Variants in CLIC2 observed in about 807,000 individuals in gnomAD.
CLIC2 encodes chloride intracellular channel protein 2.
Under a neutral mutation model 14.8 loss-of-function variants are expected in CLIC2, and 9 were observed. The observed-to-expected ratio is 0.61, with a 90% CI of 0.37 to 1.06. The LOEUF is 1.06. Among genes scored for constraint, CLIC2 ranks in the 50% least tolerant of loss-of-function variants. The pLI is 0.01. For missense variants in CLIC2, 148 were observed against 181.4 expected (o/e 0.82, Z 1.06); for synonymous variants, 61 against 66.3 (o/e 0.92, Z 0.39).
chrX:155,279,253 G>C lies in CLIC2; in HGVS notation c.478C>G (p.Pro160Ala), dbSNP rs41304992. 2.8e-3 allele frequency: 3,335 copies of C among 1,206,993 alleles called. 8 individuals carry two copies. The highest frequency in any genetic ancestry group is 2.9e-3 in the Non-Finnish European group (2,550 of 892,398). The change falls in exon 5 of 6, where the codon CCA (proline) becomes GCA (alanine). Residue 160 changes from proline (P) to alanine (A), a missense_variant. Pro to Ala is a conservative substitution (Grantham distance 27). Coordinates refer to ENST00000369449, the MANE Select transcript of CLIC2 (RefSeq NM_001289.6). ...ACTGGGGGTTCCTCAGCACTGTCTG[G>C]ATCAATTTCATCCAGAAGTGGGGTG... ...LNTPLLDEIDPDSAEEPPVSR... is the reference protein window; with the variant it reads ...LNTPLLDEIDADSAEEPPVSR...
At chrX:155,288,034 C>T (rs2074949222) in intron 3 of CLIC2, among the ~76,000 whole-genome samples, 1 of 111,575 alleles carries the variant, frequency 9.0e-6, no homozygotes, top group Non-Finnish European at 1.9e-5. Context: ...GATTGCCTTC[C>T]CAATTGGGCT....
At chrX:155,321,300 A>G (rs1476444312) in intron 1 of CLIC2, among the ~76,000 whole-genome samples, 1 of 111,699 alleles carries the variant, frequency 9.0e-6, no homozygotes, top group Non-Finnish European at 1.9e-5. Context: ...AAAAATGTTA[A>G]GGGCAGCCAG....
chrX:155,333,741 A>C (rs1188893044), intron 1 of CLIC2, among the ~76,000 whole-genome samples: 1 of 109,637 alleles, frequency 9.1e-6, no homozygotes, highest in Non-Finnish European at 1.9e-5. Flanking sequence ...AAAAAAAAAA[A>C]AAACAACTCC....
At chrX:155,310,581 A>G (rs2075070568) in intron 1 of CLIC2, 1 of 152,095 alleles carries the variant, frequency 6.6e-6, no homozygotes, top group African/African-American at 3.2e-5. Context: ...TTTTCCAGGC[A>G]CATGGTGCAA....
chrX:155,317,573 CCAA>C (rs782118503), intron 1 of CLIC2, among the ~76,000 whole-genome samples: 3 of 111,115 alleles, frequency 2.7e-5, no homozygotes, highest in Non-Finnish European at 5.7e-5. Context: ...TTAAAAATTG[CCAA>C]CAACAACAAC....
intron 1 of CLIC2, among the ~76,000 whole-genome samples, chrX:155,330,386 A>T (rs781880585): frequency 5.4e-5 from 6 of 111,305 alleles, no homozygotes; most frequent in African/African-American, 2.0e-4. Flanking sequence ...AGATTTGAAA[A>T]CTTTACAAAG....
chrX:155,282,266 G>T (rs782722822), intron 3 of CLIC2, among the ~76,000 whole-genome samples: 6 of 111,433 alleles, frequency 5.4e-5, no homozygotes, highest in Non-Finnish European at 1.1e-4. Flanking sequence ...CAATTGTAAC[G>T]TTGCAACATC....
At chrX:155,297,686 C>CA (rs1325026248) in intron 3 of CLIC2, among the ~76,000 whole-genome samples, 901 of 52,132 alleles carry the variant, frequency 0.017, 7 homozygotes, top group Non-Finnish European at 0.02. Flanking sequence ...ACTAAAATTA[C>CA]AAAAAAAAAA....
chrX:155,299,344 T>A (rs1327122085), intron 1 of CLIC2, among the ~76,000 whole-genome samples, 199 bp from the exon 2 acceptor site: 2 of 105,939 alleles, frequency 1.9e-5, no homozygotes, highest in Non-Finnish European at 4.0e-5. Context: ...GGGTACATAA[T>A]AATAATAATA....
intron 1 of CLIC2, among the ~76,000 whole-genome samples, chrX:155,333,009 TAGA>T (rs1221749654): frequency 8.9e-6 from 1 of 112,254 alleles, no homozygotes; most frequent in Non-Finnish European, 1.9e-5. Context: ...AACCCAGAGA[TAGA>T]AGAAGTCGCT....
Position 155,279,547 on chromosome X carries a change from G to A in CLIC2, c.401-217C>T, listed in dbSNP as rs187097381. Among the ~76,000 whole-genome samples the A allele has an allele frequency of 3.8e-3, 423 of 111,715 alleles. 1 individual carries two copies. The highest frequency in any genetic ancestry group is 0.013 in the African/African-American group (386 of 30,728). ...GTTAATCTTTTGGGCTTTTCTTAGGGAGGTGCATTGGCAGGAGAGTAAAAG... is the reference window on the plus strand; with the variant it reads ...GTTAATCTTTTGGGCTTTTCTTAGGAAGGTGCATTGGCAGGAGAGTAAAAG... On this transcript the variant is annotated intron_variant, in intron 4 of 5. Transcript: ENST00000369449.
intron 1 of CLIC2, among the ~76,000 whole-genome samples, chrX:155,320,563 A>C (rs2075110692): frequency 8.9e-6 from 1 of 112,257 alleles, no homozygotes; most frequent in Non-Finnish European, 1.9e-5. Flanking sequence ...GAAGGTCACC[A>C]ACATAAAAGA....
rs1011424513 is a variant in CLIC2 at position 155,280,084 on chromosome X, G to A, written c.294-16C>T. ...GTGAGGGTACCTTAAAAAGAAACAT[G>A]CGTCAACTATCATTTGCACATAACA... On this transcript the variant is annotated splice_polypyrimidine_tract_variant and intron_variant, in intron 3 of 5. Coordinates refer to ENST00000369449, the MANE Select transcript of CLIC2 (RefSeq NM_001289.6). 5.6e-6 allele frequency: 6 copies of A among 1,063,178 alleles called. No homozygotes were observed. Among genetic ancestry groups the A allele is most frequent in the Middle Eastern group, 2.5e-4 (1 of 3,997 alleles). The allele number at this position is 1,063,178 out of a possible 1,213,427, so 87.6% of individuals were successfully genotyped here.
At position 155,327,506 on chromosome X, in the gene CLIC2, T is replaced by A. The variant is rs182764457; in HGVS notation, c.57+6865A>T. Reference sequence around the variant, plus strand: ...CTAAAATAAAATAAAGTCACTTTTTTAAAAAAGAATGAGATCATGTCCTTT... The same window carrying A: ...CTAAAATAAAATAAAGTCACTTTTTAAAAAAAGAATGAGATCATGTCCTTT... On this transcript the variant is annotated intron_variant, in intron 1 of 5. Transcript: ENST00000369449. Among the ~76,000 whole-genome samples the A allele has an allele frequency of 6.8e-3, 762 of 111,294 alleles. 9 individuals are homozygous for A. Among genetic ancestry groups the A allele is most frequent in the African/African-American group, 0.023 (720 of 30,688 alleles).
rs1225015214 is a variant in CLIC2 at position 155,277,348 on chromosome X, A to G, written c.*555T>C. The G allele has an allele frequency of 8.9e-5, 10 of 111,831 alleles. No individual in the cohort carries two copies. Among genetic ancestry groups the G allele is most frequent in the African/African-American group, 2.9e-4 (9 of 30,779 alleles). The allele number at this position is 111,831 out of a possible 1,213,427, so 9.2% of individuals were successfully genotyped here. Reference sequence around the variant, plus strand: ...CTGACCATGAGGTGGTCATAGTTCTAGGCGTCAAATGCTGTTCTATGACCA... The same window carrying G: ...CTGACCATGAGGTGGTCATAGTTCTGGGCGTCAAATGCTGTTCTATGACCA... On this transcript the variant is annotated 3_prime_UTR_variant, in exon 6 of 6. Transcript: ENST00000369449.
Position 155,277,914 on chromosome X carries a change from G to T in CLIC2, c.733C>A (p.Gln245Lys). 8.3e-7 allele frequency: 1 copy of T among 1,208,666 alleles called. No individual in the cohort carries two copies. Reference sequence around the variant, plus strand: ...CTGTAAGAGCTCTCCTAACTCTTCTGTTTAGCCACATTTGCGTAAGTATTT... The same window carrying T: ...CTGTAAGAGCTCTCCTAACTCTTCTTTTTAGCCACATTTGCGTAAGTATTT... ...IENTYANVAK[Q>K]KS Residue 245 changes from glutamine (Q) to lysine (K), a missense_variant, in exon 6 of 6, where the codon CAG becomes AAG. Coordinates refer to ENST00000369449, the MANE Select transcript of CLIC2 (RefSeq NM_001289.6).
chrX:155,293,378 C>A (rs1406909558), intron 3 of CLIC2: 11 of 989,209 alleles, frequency 1.1e-5, no homozygotes, highest in Non-Finnish European at 1.4e-5. Context: ...AAGGCTGAAT[C>A]ACTTATACAC....
rs184272852 is a variant in CLIC2 at position 155,279,229 on chromosome X, C to T, written c.502G>A (p.Val168Ile). 6.3e-5 allele frequency: 76 copies of T among 1,206,923 alleles called. No homozygotes were observed. The East Asian group carries it at 1.5e-3, about 24-fold the overall frequency. Residue 168 changes from valine (V) to isoleucine (I), a missense_variant, in exon 5 of 6, where the codon GTT (valine) becomes ATT (isoleucine). By Grantham distance (29) the Val-to-Ile change is conservative. Transcript: ENST00000369449. The part of the protein sequence containing the change: ...IDPDSAEEPP[V>I]SRRLFLDGDQ... Reference sequence around the variant, plus strand: ...CCATCCAAGAATAGTCTTCTGGAAACTGGGGGTTCCTCAGCACTGTCTGGA... The same window carrying T: ...CCATCCAAGAATAGTCTTCTGGAAATTGGGGGTTCCTCAGCACTGTCTGGA...
intron 1 of CLIC2, among the ~76,000 whole-genome samples, chrX:155,331,083 G>T (rs1249130990): frequency 9.0e-6 from 1 of 110,606 alleles, no homozygotes; most frequent in Admixed American, 9.7e-5. Flanking sequence ...GGAATGGGAA[G>T]AGGCAACCAA....
Sources: allele counts gnomAD v4.1 joint callset (sites outside exome capture counted in the v4.1 genomes callset), GRCh38; gene constraint gnomAD v4.1.1; transcripts MANE v1.5; gene names NCBI Gene and HGNC (gene_info 2026-07-23, HGNC 2026-07-21).